Variants in LRP1B observed in about 807,000 individuals in gnomAD.
The protein encoded by LRP1B is LDL receptor related protein 1B.
In LRP1B, 217 loss-of-function variants were observed where a neutral mutation model predicts 556.6. The observed-to-expected ratio is 0.39, with a 90% CI of 0.35 to 0.44. The LOEUF (loss-of-function observed/expected upper bound fraction) is 0.44, where lower values mean the gene tolerates loss of function less well. LRP1B is among the 20% of genes least tolerant of loss of function. LRP1B has a pLI of 1.00. For missense variants in LRP1B, 5,053 were observed against 5,620.8 expected (o/e 0.90, Z 3.23); for synonymous variants, 2,047 against 1,865.8 (o/e 1.10, Z -2.50).
intron 49 of LRP1B, among the ~76,000 whole-genome samples, chr2:140,523,963 T>C (rs892969034): frequency 6.6e-6 from 1 of 151,458 alleles, no homozygotes; most frequent in African/African-American, 2.4e-5. Flanking sequence ...AAAACAGAAA[T>C]TGACAAATGG....
chr2:141,967,570 A>T (rs1701597994), intron 1 of LRP1B, among the ~76,000 whole-genome samples: 1 of 151,864 alleles, frequency 6.6e-6, no homozygotes, highest in African/African-American at 2.4e-5. Context: ...TCTTTTGAGA[A>T]ATAAAATTCA....
chr2:140,891,833 A>C (rs904079173), intron 23 of LRP1B, among the ~76,000 whole-genome samples: 1 of 152,194 alleles, frequency 6.6e-6, no homozygotes, highest in African/African-American at 2.4e-5. Flanking sequence ...CATTTTTTTA[A>C]GAACCAATTT....
chr2:141,924,846 A>G (rs1700291303), intron 1 of LRP1B, among the ~76,000 whole-genome samples: 1 of 152,202 alleles, frequency 6.6e-6, no homozygotes, highest in Admixed American at 6.5e-5. Context: ...ATGTAGTCCT[A>G]TGGCAGTGGG....
chr2:141,344,179 C>A (rs1688166356), intron 3 of LRP1B, among the ~76,000 whole-genome samples: 1 of 152,168 alleles, frequency 6.6e-6, no homozygotes, highest in African/African-American at 2.4e-5. Flanking sequence ...CTGTCATGTC[C>A]CCTTGGCTGG....
At chr2:141,886,979 T>TGGGG (rs201578899) in intron 1 of LRP1B, among the ~76,000 whole-genome samples, 62,544 of 145,152 alleles carry the variant, frequency 0.43, 13,834 homozygotes, top group African/African-American at 0.55. Context: ...TTTTTTTTTT[T>TGGGG]GGGTTTTTTG....
intron 86 of LRP1B, among the ~76,000 whole-genome samples, chr2:140,247,835 C>A (rs1681234722): frequency 6.6e-6 from 1 of 151,540 alleles, no homozygotes; most frequent in South Asian, 2.1e-4. Context: ...ACATAAAGTG[C>A]AACTATGAAA....
At chr2:141,993,415 A>G (rs1254476264) in intron 1 of LRP1B, among the ~76,000 whole-genome samples, 1 of 94,026 alleles carries the variant, frequency 1.1e-5, no homozygotes, top group African/African-American at 4.1e-5. Flanking sequence ...TGGGGGCTCC[A>G]CTAGGAGCAG....
chr2:141,117,341 A>C (rs1700931839), intron 7 of LRP1B, among the ~76,000 whole-genome samples: 1 of 150,334 alleles, frequency 6.7e-6, no homozygotes, highest in Non-Finnish European at 1.5e-5. Context: ...TGTCACTTTT[A>C]GTGGAGTTTC....
chr2:141,265,231 A>G (rs1684842322), intron 3 of LRP1B, among the ~76,000 whole-genome samples: 2 of 152,188 alleles, frequency 1.3e-5, no homozygotes, highest in Admixed American at 1.3e-4. Context: ...GCAGAGGTGG[A>G]AGGACACACA....
At chr2:140,947,377 C>T (rs561168347) in intron 20 of LRP1B, among the ~76,000 whole-genome samples, 45 of 152,258 alleles carry the variant, frequency 3.0e-4, no homozygotes, top group African/African-American at 1.0e-3. Flanking sequence ...GCACCATATG[C>T]TCTGCTTATC....
chr2:140,444,241 C>A, intron 65 of LRP1B, 89 bp downstream of exon 65: 1 of 1,371,224 alleles, frequency 7.3e-7, no homozygotes, highest in Non-Finnish European at 1.0e-6. Flanking sequence ...TTATCTACAT[C>A]ATATGAATTT....
chr2:140,387,193 A>G (rs1683795627), intron 66 of LRP1B, among the ~76,000 whole-genome samples: 1 of 152,210 alleles, frequency 6.6e-6, no homozygotes, highest in Admixed American at 6.5e-5. Context: ...TCAGACTAGC[A>G]AAACAAATTA....
At chr2:140,783,222 A>G (rs1011960833) in intron 32 of LRP1B, among the ~76,000 whole-genome samples, 2 of 152,120 alleles carry the variant, frequency 1.3e-5, no homozygotes, top group African/African-American at 4.8e-5. Context: ...TATTCAGAGT[A>G]TGTATTTTTA....
intron 13 of LRP1B, among the ~76,000 whole-genome samples, chr2:141,014,897 A>T (rs937789950): frequency 3.3e-5 from 5 of 152,094 alleles, no homozygotes; most frequent in Non-Finnish European, 4.4e-5. Context: ...GTCTTAACTG[A>T]TTAGTGTAGT....
intron 2 of LRP1B, among the ~76,000 whole-genome samples, chr2:141,669,858 G>A (rs540979089): frequency 3.3e-5 from 5 of 152,004 alleles, no homozygotes; most frequent in Non-Finnish European, 7.4e-5. Flanking sequence ...AGACTCAAGC[G>A]ATTCTCTTGC....
In LRP1B at chr2:140,270,366, A is replaced by C; in HGVS notation, c.13143-20T>G. The C allele has an allele frequency of 2.0e-6, 3 of 1,491,774 alleles. No individual in the cohort carries two copies. The highest frequency in any genetic ancestry group is 1.9e-6 in the Non-Finnish European group (2 of 1,069,222). 92.4% of individuals were successfully genotyped at this position (1,491,774 alleles called of 1,614,324 possible). ...GTGCAGCTGCAACAACAAAGAAAAA[A>C]AGAACAATTTCATTGTTATTGGCAA... is the stretch of plus-strand genomic sequence containing the variant. On this transcript the variant is annotated intron_variant, in intron 85 of 90. Coordinates refer to ENST00000389484, the MANE Select transcript of LRP1B (RefSeq NM_018557.3).
chr2:141,350,950 G>A (rs2714212), intron 3 of LRP1B, among the ~76,000 whole-genome samples: 67,437 of 151,734 alleles, frequency 0.44, 16,773 homozygotes, highest in Non-Finnish European at 0.57. Flanking sequence ...TTAAACCAGA[G>A]GTGATTATAT....
At chr2:140,562,307 G>A (rs1680960436) in intron 43 of LRP1B, among the ~76,000 whole-genome samples, 1 of 152,068 alleles carries the variant, frequency 6.6e-6, no homozygotes, top group African/African-American at 2.4e-5. Flanking sequence ...TAATGGTTTT[G>A]CAATAATGGA....
intron 5 of LRP1B, 27 bp downstream of exon 5, chr2:141,247,199 G>A (rs369951583): frequency 6.2e-7 from 1 of 1,612,550 alleles, no homozygotes; most frequent in East Asian, 2.2e-5. Flanking sequence ...ATTCTGGAAA[G>A]ACAAAAAATA....
Sources: gnomAD v4.1 joint callset for allele counts (sites outside exome capture counted in the v4.1 genomes callset) on GRCh38, gnomAD v4.1.1 for gene constraint, MANE v1.5 for transcripts, NCBI Gene and HGNC (gene_info 2026-07-23, HGNC 2026-07-21) for gene names.